Variants in SEPTIN9 observed in about 807,000 individuals in gnomAD.
The protein encoded by SEPTIN9 is septin-9.
In SEPTIN9, 13 loss-of-function variants were observed where a neutral mutation model predicts 56.6. That is an observed-to-expected ratio of 0.23 (90% confidence interval 0.15 to 0.37). The LOEUF (loss-of-function observed/expected upper bound fraction) is 0.37, where lower values mean the gene tolerates loss of function less well. SEPTIN9 is among the 10% of genes least tolerant of loss of function. SEPTIN9 has a pLI of 1.00. For synonymous variants in SEPTIN9, 332 were observed against 334.1 expected (o/e 0.99, Z 0.07); for missense variants, 650 against 823.1 (o/e 0.79, Z 2.57).
chr17:77,410,155 A>G (rs1387428770), intron 3 of SEPTIN9, among the ~76,000 whole-genome samples: 1 of 152,024 alleles, frequency 6.6e-6, no homozygotes, highest in Non-Finnish European at 1.5e-5. Flanking sequence ...CTCTCTGAAC[A>G]CTGGGCCCAG....
intron 2 of SEPTIN9, among the ~76,000 whole-genome samples, chr17:77,311,226 C>T (rs996298023): frequency 6.7e-6 from 1 of 148,948 alleles, no homozygotes; most frequent in African/African-American, 2.5e-5. Context: ...AAGGACCCCC[C>T]CCCCACCCCA....
intron 3 of SEPTIN9, among the ~76,000 whole-genome samples, chr17:77,407,565 C>G (rs1007938743): frequency 1.3e-5 from 2 of 151,944 alleles, no homozygotes; most frequent in African/African-American, 2.4e-5. Flanking sequence ...TGTGGGGGTT[C>G]TGGAAGGAGT....
chr17:77,311,765 G>A (rs4789441), intron 2 of SEPTIN9, among the ~76,000 whole-genome samples: 95,796 of 151,548 alleles, frequency 0.63, 31,033 homozygotes, highest in East Asian at 0.99. Flanking sequence ...TGTGTCGGAC[G>A]AACAGGTGCC....
At chr17:77,379,200 ATCCACTG>A (rs1258043635) in intron 2 of SEPTIN9, among the ~76,000 whole-genome samples, 1 of 151,954 alleles carries the variant, frequency 6.6e-6, no homozygotes, top group African/African-American at 2.4e-5. Flanking sequence ...CCGTGGACCC[ATCCACTG>A]AGCACCCCCA....
intron 3 of SEPTIN9, among the ~76,000 whole-genome samples, chr17:77,465,317 G>GT (rs2038665759): frequency 6.6e-6 from 1 of 152,230 alleles, no homozygotes; most frequent in African/African-American, 2.4e-5. Flanking sequence ...TGGTCTACAG[G>GT]TTTTTGTGTG....
At chr17:77,351,270 C>CA (rs1404909942) in intron 2 of SEPTIN9, among the ~76,000 whole-genome samples, 5 of 144,816 alleles carry the variant, frequency 3.5e-5, no homozygotes, top group Admixed American at 2.1e-4. Context: ...CACACACACA[C>CA]GAGTCAGGGG....
Position 77,303,333 on chromosome 17 carries a change from G to T in SEPTIN9, c.20-3808G>T, listed in dbSNP as rs147988557. Among the ~76,000 whole-genome samples, 213 of 151,422 alleles carry T rather than the reference G, an allele frequency of 1.4e-3. 1 individual carries two copies. The highest frequency in any genetic ancestry group is 4.7e-3 in the African/African-American group (195 of 41,362). ...TCAGGCTGGTCTCGAACTGACCTCG[G>T]GTGACTGGCCCACGTCAGCCTCCCA... On this transcript the variant is annotated intron_variant, in intron 1 of 11. Transcript: ENST00000427177.
intron 2 of SEPTIN9, among the ~76,000 whole-genome samples, chr17:77,332,605 G>A (rs1344721770): frequency 2.6e-5 from 4 of 152,166 alleles, no homozygotes; most frequent in Non-Finnish European, 5.9e-5. Context: ...TTTTAACAAA[G>A]GTATCCACGT....
At chr17:77,457,680 A>G (rs569957230) in intron 3 of SEPTIN9, among the ~76,000 whole-genome samples, 23 of 152,284 alleles carry the variant, frequency 1.5e-4, no homozygotes, top group African/African-American at 5.5e-4. Flanking sequence ...TTTCCTTGTA[A>G]CTTGTTGAAG....
At chr17:77,362,641 C>T (rs2034451756) in intron 2 of SEPTIN9, among the ~76,000 whole-genome samples, 1 of 152,198 alleles carries the variant, frequency 6.6e-6, no homozygotes, top group Non-Finnish European at 1.5e-5. Context: ...GGCTGACTCC[C>T]CTGTGCCTTC....
intron 2 of SEPTIN9, among the ~76,000 whole-genome samples, chr17:77,358,623 G>A (rs1464396847): frequency 2.0e-5 from 3 of 152,148 alleles, no homozygotes; most frequent in African/African-American, 4.8e-5. Context: ...TAGGCAACAA[G>A]TGTGAGACTC....
Position 77,484,610 on chromosome 17 carries a change from A to ATGGTGG in SEPTIN9, c.913+2278_913+2283dup, listed in dbSNP as rs748211575. Among the ~76,000 whole-genome samples, 10 of 104,568 alleles carry ATGGTGG rather than the reference A, an allele frequency of 9.6e-5. No individual in the cohort carries two copies. In the East Asian group the frequency reaches 3.4e-3, roughly 36 times the overall value. 68.6% of individuals were successfully genotyped at this position (104,568 alleles called of 152,430 possible). On this transcript the variant is annotated intron_variant, in intron 4 of 11. Coordinates refer to ENST00000427177, the MANE Select transcript of SEPTIN9 (RefSeq NM_001113491.2). Reference sequence around the variant, plus strand: ...GGTGGTAATTGTGATGGTGGTGGTGATGGTGGTGATGGGGATGATGATGGT... The same window carrying ATGGTGG: ...GGTGGTAATTGTGATGGTGGTGGTGATGGTGGTGGTGGTGATGGGGATGATGATGGT...
rs909622104 is a variant in SEPTIN9, at chr17:77,492,182, T to G, written c.1381-439T>G. 4.6e-5 allele frequency among the ~76,000 whole-genome samples: 7 copies of G among 152,106 alleles called. No individual in the cohort carries two copies. Among genetic ancestry groups the G allele is most frequent in the Non-Finnish European group, 5.9e-5 (4 of 68,014 alleles). On this transcript the variant is annotated intron_variant, in intron 8 of 11. Coordinates refer to ENST00000427177, the MANE Select transcript of SEPTIN9 (RefSeq NM_001113491.2). This position sits in a 1 kb window ranked among gnomAD's most constrained non-coding sequence, Gnocchi z 5.4. ...CCTGGGCAGGCGAGCAGCCGCTCAC[T>G]GGGATGTTTCTGTTGCACGTACCCA... is the stretch of plus-strand genomic sequence containing the variant.
intron 2 of SEPTIN9, among the ~76,000 whole-genome samples, chr17:77,342,987 A>ATCTGTCTGTCTGTCTG (rs1017118260): frequency 7.6e-5 from 10 of 131,446 alleles, no homozygotes; most frequent in African/African-American, 2.7e-4. Context: ...AAATCAATGT[A>ATCTGTCTGTCTGTCTG]TCTGTCTGTC....
intron 2 of SEPTIN9, 118 bp from the exon 3 acceptor site, chr17:77,401,941 A>AC: frequency 1.0e-6 from 1 of 980,986 alleles, no homozygotes. Flanking sequence ...ACGGGAAGAG[A>AC]CCCCCGGCCC....
At chr17:77,465,049 G>C (rs996868679) in intron 3 of SEPTIN9, among the ~76,000 whole-genome samples, 10 of 152,172 alleles carry the variant, frequency 6.6e-5, no homozygotes, top group Non-Finnish European at 1.5e-4. Context: ...TCGTCTCTAT[G>C]AATTCACCTG....
Position 77,317,508 on chromosome 17 carries a change from T to C in SEPTIN9, c.76+10311T>C, listed in dbSNP as rs965467270. ...GAACGGCACATGTGAGGGATCTAGG[T>C]TGCGTGCTTCTTATGAGAATCTGAT... On this transcript the variant is annotated intron_variant, in intron 2 of 11. Transcript: ENST00000427177. The surrounding 1 kb of genome is among the most constrained non-coding windows in gnomAD (Gnocchi z 4.2). 2.6e-5 allele frequency among the ~76,000 whole-genome samples: 4 copies of C among 152,204 alleles called. No homozygotes were observed. Among genetic ancestry groups the C allele is most frequent in the African/African-American group, 9.6e-5 (4 of 41,460 alleles).
In SEPTIN9 at chr17:77,435,695, G is replaced by A. The variant is rs1404996410; in HGVS notation, c.721+32992G>A. On this transcript the variant is annotated intron_variant, in intron 3 of 11. Transcript: ENST00000427177. This position sits in a 1 kb window ranked among gnomAD's most constrained non-coding sequence, Gnocchi z 4.5. The stretch of plus-strand genomic sequence containing the variant: ...ACGAGGGTGGCGTTTCTGGTAATCC[G>A]TAGTGCTGTTGTCTGTGGCTGCCTT... Among the ~76,000 whole-genome samples, 1 of 152,222 alleles carries A rather than the reference G, an allele frequency of 6.6e-6. No individual in the cohort carries two copies. The highest frequency in any genetic ancestry group is 2.4e-5 in the African/African-American group (1 of 41,446).
At chr17:77,308,811 G>T (rs1311869724) in intron 2 of SEPTIN9, among the ~76,000 whole-genome samples, 1 of 152,218 alleles carries the variant, frequency 6.6e-6, no homozygotes, top group Non-Finnish European at 1.5e-5. Context: ...CTGGACAGTG[G>T]AGAGGGTGGC....
Sources: gnomAD v4.1 joint callset for allele counts (sites outside exome capture counted in the v4.1 genomes callset) on GRCh38, gnomAD v4.1.1 for gene constraint, Gnocchi (gnomAD v3.1) non-coding constraint, MANE v1.5 for transcripts, NCBI Gene and HGNC (gene_info 2026-07-23, HGNC 2026-07-21) for gene names.